RTN3: variants seen among roughly 807,000 people sequenced by gnomAD.
RTN3 encodes the protein reticulon-3.
In RTN3, 49 loss-of-function variants were observed where a neutral mutation model predicts 77.8. The ratio of observed to expected loss-of-function variants is 0.63; its 90% CI spans 0.50 to 0.80. The LOEUF (loss-of-function observed/expected upper bound fraction) is 0.80, where lower values mean the gene tolerates loss of function less well. Among genes scored for constraint, RTN3 ranks in the 30% least tolerant of loss-of-function variants. The probability of loss-of-function intolerance (pLI) is 0.00; values close to 1 mark genes in which losing one functional copy is unlikely to be tolerated. For missense variants in RTN3, 1,236 were observed against 1,211.9 expected (o/e 1.02, Z -0.29); for synonymous variants, 464 against 446.9 (o/e 1.04, Z -0.48).
In RTN3 at chr11:63,758,181, G is replaced by T. The variant is rs373844043; in HGVS notation, c.3079G>T (p.Ala1027Ser). The change falls in exon 9 of 9, where the codon GCC becomes TCC. Residue 1027 changes from alanine to serine, a missense_variant. Ala to Ser is a moderately conservative substitution (Grantham distance 99). Coordinates refer to ENST00000377819, the MANE Select transcript of RTN3 (RefSeq NM_001265589.2). Reference sequence around the variant, plus strand: ...GATCCAAGCAAAACTCCCTGGAATCGCCAAAAAAAAGGCAGAATAAGTACA... The same window carrying T: ...GATCCAAGCAAAACTCCCTGGAATCTCCAAAAAAAAGGCAGAATAAGTACA... The part of the protein sequence containing the change: ...EKIQAKLPGI[A>S]KKKAE 1.9e-6 allele frequency: 3 copies of T among 1,606,618 alleles called. No individual in the cohort carries two copies. Among genetic ancestry groups the T allele is most frequent in the Admixed American group, 3.4e-5 (2 of 58,650 alleles).
In RTN3 at chr11:63,750,127, C is replaced by T. The variant is rs1221707018; in HGVS notation, c.2667C>T (p.Val889=). Residue 889 remains valine (V), a synonymous_variant, in exon 4 of 9, where the codon GTC becomes GTT. Coordinates refer to ENST00000377819, the MANE Select transcript of RTN3 (RefSeq NM_001265589.2). ...VSYLILALLS[V]TISFRIYKSV... The stretch of plus-strand genomic sequence containing the variant: ...ACCTCATCCTGGCTCTTCTCTCTGT[C>T]ACCATCAGCTTCAGGATCTACAAGT... The T allele has an allele frequency of 6.2e-7, 1 of 1,612,828 alleles. No homozygotes were observed. The highest frequency in any genetic ancestry group is 2.2e-5 in the East Asian group (1 of 44,890).
chr11:63,754,300 T>C (rs1398264411), intron 7 of RTN3, among the ~76,000 whole-genome samples: 1 of 152,098 alleles, frequency 6.6e-6, no homozygotes. Flanking sequence ...ATGCCTATAA[T>C]CCTAACACTT....
rs779878883 is a variant in RTN3 at position 63,753,144 on chromosome 11, G to C, written c.2947+6G>C. Reference sequence around the variant, plus strand: ...AATCACCCTTCTAATTCTTGGTAAGGTGGCAAGGAGAATGTGCCCATGCTC... The same window carrying C: ...AATCACCCTTCTAATTCTTGGTAAGCTGGCAAGGAGAATGTGCCCATGCTC... On this transcript the variant is annotated splice_donor_region_variant and intron_variant, in intron 6 of 8. Coordinates refer to ENST00000377819, the MANE Select transcript of RTN3 (RefSeq NM_001265589.2). 1.9e-6 allele frequency: 3 copies of C among 1,613,332 alleles called. No homozygotes were observed. The highest frequency in any genetic ancestry group is 2.2e-5 in the South Asian group (2 of 91,068).
chr11:63,732,040 A>T (rs1030542366), intron 3 of RTN3, among the ~76,000 whole-genome samples: 1 of 152,180 alleles, frequency 6.6e-6, no homozygotes, highest in Non-Finnish European at 1.5e-5. Flanking sequence ...GAAAAAGAAG[A>T]GCAAAGTAAA....
intron 1 of RTN3, among the ~76,000 whole-genome samples, chr11:63,692,676 G>A (rs573500131): frequency 1.3e-5 from 2 of 151,942 alleles, no homozygotes; most frequent in South Asian, 4.2e-4. Flanking sequence ...CAGGAGAATC[G>A]CTTGAACCTG....
rs2014519723 is a variant in RTN3 at position 63,758,800 on chromosome 11, A to G, written c.*599A>G. 6.4e-6 allele frequency: 1 copy of G among 156,100 alleles called. No homozygotes were observed. The highest frequency in any genetic ancestry group is 6.5e-5 in the Admixed American group (1 of 15,378). 9.7% of individuals were successfully genotyped at this position (156,100 alleles called of 1,614,324 possible). Reference sequence around the variant, plus strand: ...GATAATTCCTGATTCCAAGAATGCCATCTGATAAAAAAGAATAGAAATGGA... The same window carrying G: ...GATAATTCCTGATTCCAAGAATGCCGTCTGATAAAAAAGAATAGAAATGGA... On this transcript the variant is annotated 3_prime_UTR_variant, in exon 9 of 9. Transcript: ENST00000377819.
chr11:63,695,497 G>C (rs906782069), intron 1 of RTN3, among the ~76,000 whole-genome samples: 1 of 152,208 alleles, frequency 6.6e-6, no homozygotes, highest in Non-Finnish European at 1.5e-5. Context: ...AGTGTGGAAG[G>C]GTGGGGAGAA....
Position 63,681,708 on chromosome 11 carries a change from G to A in RTN3, c.72G>A (p.Ala24=), listed in dbSNP as rs11551950. 1 of 1,610,456 alleles carries A rather than the reference G, an allele frequency of 6.2e-7. No homozygotes were observed. Among genetic ancestry groups the A allele is most frequent in the Non-Finnish European group, 8.5e-7 (1 of 1,178,584 alleles). ...SSSSFGAEPS[A]PGGGGSPGAC... ...CGTCCTTCGGAGCCGAGCCGTCCGC[G>A]CCCGGCGGCGGCGGGAGCCCAGGAG... The change falls in exon 1 of 9, where the codon GCG becomes GCA. Residue 24 remains alanine, a synonymous_variant. Coordinates refer to ENST00000377819, the MANE Select transcript of RTN3 (RefSeq NM_001265589.2).
At chr11:63,721,256 G>A (rs1186256096) in intron 3 of RTN3, among the ~76,000 whole-genome samples, 1 of 152,092 alleles carries the variant, frequency 6.6e-6, no homozygotes, top group Non-Finnish European at 1.5e-5. Context: ...AGACCACTTT[G>A]TAACATTAAT....
chr11:63,681,899 C>G, intron 1 of RTN3, 121 bp downstream of exon 1: 1 of 1,081,940 alleles, frequency 9.2e-7, no homozygotes, highest in Non-Finnish European at 1.3e-6. Flanking sequence ...CGGCTTCAGC[C>G]CCCCGGGGAC....
At chr11:63,697,175 C>T (rs921939973) in intron 1 of RTN3, among the ~76,000 whole-genome samples, 5 of 152,044 alleles carry the variant, frequency 3.3e-5, no homozygotes, top group Non-Finnish European at 5.9e-5. Context: ...TGAGCCATCG[C>T]GCCCGGCCCC....
Position 63,752,591 on chromosome 11 carries a change from C to G in RTN3, c.2823C>G (p.Ala941=). 2 of 1,613,330 alleles carry G rather than the reference C, an allele frequency of 1.2e-6. No individual in the cohort carries two copies. Among genetic ancestry groups the G allele is most frequent in the Non-Finnish European group, 1.7e-6 (2 of 1,179,640 alleles). ...MNAAMVHINR[A]LKLIIRLFLV... is the part of the protein sequence containing the mutation. ...CTGCCATGGTGCACATCAACAGGGC[C>G]CTGAAACTCATTATTCGTCTCTTTC... The change falls in exon 5 of 9, where the codon GCC becomes GCG. Residue 941 remains alanine (A), a synonymous_variant. Coordinates refer to ENST00000377819, the MANE Select transcript of RTN3 (RefSeq NM_001265589.2).
chr11:63,720,421 G>C lies in RTN3; in HGVS notation c.1919G>C (p.Gly640Ala). The change falls in exon 3 of 9, where the codon GGG becomes GCG. Residue 640 changes from glycine to alanine, a missense_variant. Gly to Ala is a moderately conservative substitution (Grantham distance 60, BLOSUM62 0). Coordinates refer to ENST00000377819, the MANE Select transcript of RTN3 (RefSeq NM_001265589.2). ...TTSAYLESLH[G>A]KNVKHIDDSS... ...TCTGCCTATTTGGAGTCATTACATGGGAAAAATGTTAAACATATAGATGAT... is the reference window on the plus strand; with the variant it reads ...TCTGCCTATTTGGAGTCATTACATGCGAAAAATGTTAAACATATAGATGAT... 6.2e-7 allele frequency: 1 copy of C among 1,613,582 alleles called. No homozygotes were observed. The highest frequency in any genetic ancestry group is 8.5e-7 in the Non-Finnish European group (1 of 1,179,912).
chr11:63,702,618 C>A (rs888926941), intron 1 of RTN3, among the ~76,000 whole-genome samples: 2 of 151,326 alleles, frequency 1.3e-5, no homozygotes, highest in African/African-American at 4.9e-5. Context: ...CCGGCCGTCC[C>A]TTTGTTACTT....
At chr11:63,736,406 G>A (rs925007902) in intron 3 of RTN3, among the ~76,000 whole-genome samples, 1 of 152,178 alleles carries the variant, frequency 6.6e-6, no homozygotes, top group African/African-American at 2.4e-5. Flanking sequence ...ATAATATAAA[G>A]GCCAGGCGTG....
In RTN3 at chr11:63,719,849, A is replaced by G; in HGVS notation, c.1347A>G (p.Glu449=). 1.9e-6 allele frequency: 3 copies of G among 1,614,214 alleles called. No individual in the cohort carries two copies. The highest frequency in any genetic ancestry group is 1.7e-6 in the Non-Finnish European group (2 of 1,180,036). ...NMQKQDDTLA[E]LPGSPPEKCD... is the part of the protein sequence containing the mutation. ...AGAAACAGGATGACACACTTGCAGA[A>G]TTACCTGGATCTCCACCTGAGAAAT... The change falls in exon 3 of 9, where the codon GAA becomes GAG. Residue 449 remains glutamate (E), a synonymous_variant. Coordinates refer to ENST00000377819, the MANE Select transcript of RTN3 (RefSeq NM_001265589.2).
chr11:63,725,548 A>C (rs1281262376), intron 3 of RTN3, among the ~76,000 whole-genome samples: 1 of 151,736 alleles, frequency 6.6e-6, no homozygotes, highest in Non-Finnish European at 1.5e-5. Context: ...TCCCGGGTTC[A>C]TGCCATTCTC....
chr11:63,732,193 C>T (rs1020821688), intron 3 of RTN3, among the ~76,000 whole-genome samples: 8 of 152,090 alleles, frequency 5.3e-5, no homozygotes, highest in African/African-American at 1.9e-4. Context: ...GGGTCTTGCT[C>T]AGTCACCCAG....
intron 2 of RTN3, among the ~76,000 whole-genome samples, chr11:63,715,459 C>T (rs1436784719): frequency 6.6e-6 from 1 of 152,078 alleles, no homozygotes; most frequent in African/African-American, 2.4e-5. Context: ...GAGTTCGAGA[C>T]CAGCCTGCGC....
Sources: allele counts gnomAD v4.1 joint callset (sites outside exome capture counted in the v4.1 genomes callset), GRCh38; gene constraint gnomAD v4.1.1; transcripts MANE v1.5; gene names NCBI Gene and HGNC (gene_info 2026-07-23, HGNC 2026-07-21).